The following SLC12A6 variants were observed in gnomAD, a reference collection of about 807,000 sequenced individuals.
The protein encoded by SLC12A6 is K-Cl cotransporter 3.
In SLC12A6, 66 loss-of-function variants were observed where a neutral mutation model predicts 135.3. The ratio of observed to expected loss-of-function variants is 0.49; its 90% CI spans 0.40 to 0.60. SLC12A6 has a LOEUF of 0.60. Among genes scored for constraint, SLC12A6 ranks in the 20% least tolerant of loss-of-function variants. The pLI, the probability that SLC12A6 is intolerant of heterozygous loss-of-function variation, is 0.00. For missense variants in SLC12A6, 1,058 were observed against 1,452.3 expected, an observed-to-expected ratio of 0.73 and a Z score of 4.41; for synonymous variants, 513 against 508.8, an observed-to-expected ratio of 1.01 and a Z score of -0.11.
chr15:34,276,258 T>A (rs1342819606), intron 2 of SLC12A6, among the ~76,000 whole-genome samples: 2 of 152,204 alleles, frequency 1.3e-5, no homozygotes, highest in African/African-American at 4.8e-5. Context: ...AACATTTTAA[T>A]GACAAAAAAT....
intron 2 of SLC12A6, among the ~76,000 whole-genome samples, chr15:34,322,943 C>A (rs1889203021): frequency 7.8e-6 from 1 of 127,856 alleles, no homozygotes; most frequent in South Asian, 2.4e-4. Context: ...TGCACCACTG[C>A]ACTCCAGCCT....
chr15:34,273,172 G>A (rs972116759), intron 3 of SLC12A6, among the ~76,000 whole-genome samples: 8 of 152,204 alleles, frequency 5.3e-5, no homozygotes, highest in Admixed American at 2.0e-4. Flanking sequence ...CCAATAGGGC[G>A]AAACCTTGAC....
rs10543386 is a variant in SLC12A6, at chr15:34,320,603, AT to A, written c.271+15806del. ...TACTGGCCTTGTTTTGGAATAAACA[AT>A]TTTTTTTTTTTTTTTTTAAAGAAAA... On this transcript the variant is annotated intron_variant, in intron 2 of 25. Coordinates refer to ENST00000354181, the MANE Select transcript of SLC12A6 (RefSeq NM_001365088.1). Among the ~76,000 whole-genome samples the A allele has an allele frequency of 9.5e-3, 1,379 of 144,858 alleles. 13 individuals are homozygous for A. The highest frequency in any genetic ancestry group is 0.018 in the African/African-American group (720 of 39,224).
At chr15:34,321,966 A>C (rs1278895579) in intron 2 of SLC12A6, among the ~76,000 whole-genome samples, 1 of 152,228 alleles carries the variant, frequency 6.6e-6, no homozygotes, top group Non-Finnish European at 1.5e-5. Flanking sequence ...GAAGAATGGA[A>C]ATACAGATTA....
intron 2 of SLC12A6, among the ~76,000 whole-genome samples, chr15:34,298,619 T>C (rs972017318): frequency 4.0e-5 from 6 of 150,308 alleles, no homozygotes; most frequent in African/African-American, 1.3e-4. Flanking sequence ...AGGAGAGACA[T>C]TCCAGAGATA....
At chr15:34,313,844 C>T (rs1888432770) in intron 2 of SLC12A6, among the ~76,000 whole-genome samples, 1 of 151,380 alleles carries the variant, frequency 6.6e-6, no homozygotes, top group African/African-American at 2.4e-5. Context: ...TAATGGTGCA[C>T]ATCTGCAGTC....
intron 2 of SLC12A6, among the ~76,000 whole-genome samples, chr15:34,321,633 G>A (rs1190727918): frequency 6.6e-6 from 1 of 152,118 alleles, no homozygotes; most frequent in Non-Finnish European, 1.5e-5. Context: ...CCTTAAAAAT[G>A]AAAATATATT....
intron 2 of SLC12A6, among the ~76,000 whole-genome samples, chr15:34,294,672 A>G (rs1261926362): frequency 6.6e-6 from 1 of 152,124 alleles, no homozygotes; most frequent in African/African-American, 2.4e-5. Flanking sequence ...GGCTCAATCA[A>G]TCCTCCCACC....
intron 5 of SLC12A6, 127 bp downstream of exon 5, chr15:34,258,686 A>G: frequency 1.2e-6 from 1 of 839,308 alleles, no homozygotes; most frequent in Non-Finnish European, 2.1e-6. Flanking sequence ...TGGTGCCCAG[A>G]ACAGTTCCAG....
chr15:34,275,878 T>C (rs8038493), intron 2 of SLC12A6, among the ~76,000 whole-genome samples: 4,158 of 152,214 alleles, frequency 0.027, 194 homozygotes, highest in African/African-American at 0.095. Context: ...ATTATATGAC[T>C]CAATTTATAT....
rs1354139254 is a variant in SLC12A6, at chr15:34,229,831, T to C, written c.*4050A>G. 6.2e-6 allele frequency: 10 copies of C among 1,603,232 alleles called. No homozygotes were observed. The highest frequency in any genetic ancestry group is 8.5e-6 in the Non-Finnish European group (10 of 1,170,240). ...CTGGTCCCTATGTATTTGGGTCTTA[T>C]TTACATCCTTCTTTAAGCCCAGTGG... On this transcript the variant is annotated 3_prime_UTR_variant, in exon 26 of 26. Transcript: ENST00000354181.
intron 2 of SLC12A6, among the ~76,000 whole-genome samples, chr15:34,314,979 A>T (rs1468196947): frequency 6.6e-6 from 1 of 152,148 alleles, no homozygotes; most frequent in Non-Finnish European, 1.5e-5. Context: ...AGAGACTGAA[A>T]ATGTGACTGA....
chr15:34,278,544 C>T (rs1054674590), intron 2 of SLC12A6, among the ~76,000 whole-genome samples: 4 of 152,064 alleles, frequency 2.6e-5, no homozygotes, highest in Non-Finnish European at 5.9e-5. Flanking sequence ...CTTTGAACAC[C>T]CTCCTATACT....
At position 34,336,503 on chromosome 15, in the gene SLC12A6, T is replaced by C. The variant is rs1890207050; in HGVS notation, c.178A>G (p.Met60Val). Reference protein sequence around the residue: ...SVPETSRSEPMSEMSGATTSL... With the variant: ...SVPETSRSEPVSEMSGATTSL... ...GTGGTGGCCCCAGACATCTCACTCA[T>C]AGGCTCACTCCGGCTTGTTTCAGGC... The change falls in exon 2 of 26, where the codon ATG becomes GTG. Residue 60 changes from methionine (M) to valine (V), a missense_variant. Physicochemically the swap from Met to Val is conservative, Grantham distance 21. Around this residue, in one of 6 missense-constraint regions of SLC12A6, gnomAD observed 176 missense variants for 168.9 expected, o/e 1.04. Coordinates refer to ENST00000354181, the MANE Select transcript of SLC12A6 (RefSeq NM_001365088.1). 1.2e-6 allele frequency: 2 copies of C among 1,613,936 alleles called. No individual in the cohort carries two copies. Among genetic ancestry groups the C allele is most frequent in the Non-Finnish European group, 1.7e-6 (2 of 1,179,836 alleles).
At chr15:34,240,245 A>G (rs1891552808) in intron 19 of SLC12A6, among the ~76,000 whole-genome samples, 1 of 152,212 alleles carries the variant, frequency 6.6e-6, no homozygotes, top group African/African-American at 2.4e-5. Flanking sequence ...ACAGCTAACC[A>G]GAAGTGGCAA....
At chr15:34,301,815 T>C (rs1896278916) in intron 2 of SLC12A6, among the ~76,000 whole-genome samples, 1 of 152,170 alleles carries the variant, frequency 6.6e-6, no homozygotes, top group Non-Finnish European at 1.5e-5. Context: ...CTGCCACTAA[T>C]ACTGGGTACT....
chr15:34,313,600 A>T (rs991407862), intron 2 of SLC12A6, among the ~76,000 whole-genome samples: 1 of 152,220 alleles, frequency 6.6e-6, no homozygotes, highest in East Asian at 1.9e-4. Context: ...ATCAATGATG[A>T]AGGTGGCTTC....
chr15:34,310,245 A>AGTGT lies in SLC12A6; in HGVS notation c.271+26161_271+26164dup, dbSNP rs778291758. Among the ~76,000 whole-genome samples, 35 of 103,212 alleles carry AGTGT rather than the reference A, an allele frequency of 3.4e-4. 1 individual carries two copies. The highest frequency in any genetic ancestry group is 1.8e-4 in the African/African-American group (4 of 22,278). 67.7% of individuals were successfully genotyped at this position (103,212 alleles called of 152,430 possible). ...GGCTAGTGTTGAACTCCTGGGCTCAAGTGTGTGTGTGTGTGTGTCCCCGTG... is the reference window on the plus strand; with the variant it reads ...GGCTAGTGTTGAACTCCTGGGCTCAAGTGTGTGTGTGTGTGTGTGTGTCCCCGTG... On this transcript the variant is annotated intron_variant, in intron 2 of 25. Transcript: ENST00000354181.
At chr15:34,305,464 T>C (rs1196131010) in intron 2 of SLC12A6, among the ~76,000 whole-genome samples, 1 of 151,854 alleles carries the variant, frequency 6.6e-6, no homozygotes, top group African/African-American at 2.4e-5. Flanking sequence ...CAATAATTGT[T>C]CATACTCATT....
Sources: gnomAD v4.1 joint callset for allele counts (sites outside exome capture counted in the v4.1 genomes callset) on GRCh38, gnomAD v4.1.1 for gene constraint, gnomAD v4.1.1 regional missense constraint, MANE v1.5 for transcripts, NCBI Gene and HGNC (gene_info 2026-07-23, HGNC 2026-07-21) for gene names.